Variants in MEMO1 observed in about 807,000 individuals in gnomAD.
MEMO1 encodes mediator of cell motility 1, also known as protein MEMO1.
Under a neutral mutation model 45.2 loss-of-function variants are expected in MEMO1, and 6 were observed. That is an observed-to-expected ratio of 0.13 (90% confidence interval 0.07 to 0.26). MEMO1 has a LOEUF of 0.26. MEMO1 is among the 10% of genes least tolerant of loss of function. The pLI, the probability that MEMO1 is intolerant of heterozygous loss-of-function variation, is 1.00. For synonymous variants in MEMO1, 78 were observed against 124.3 expected, an observed-to-expected ratio of 0.63 and a Z score of 2.48; for missense variants, 184 against 370.5, an observed-to-expected ratio of 0.50 and a Z score of 4.13.
intron 3 of MEMO1, among the ~76,000 whole-genome samples, chr2:31,933,359 ATATATATAT>A (rs1664520648): frequency 3.0e-5 from 2 of 67,336 alleles, no homozygotes; most frequent in South Asian, 1.2e-3. Context: ...ATTTATATAT[ATATATATAT>A]ATATATATAT....
At chr2:31,926,369 C>G (rs1437916502) in intron 4 of MEMO1, among the ~76,000 whole-genome samples, 3 of 53,446 alleles carry the variant, frequency 5.6e-5, no homozygotes, top group African/African-American at 2.2e-4. Context: ...GATCCTGTCT[C>G]AAAAGGGAAA....
At position 32,002,168 on chromosome 2, in the gene MEMO1, AAT is replaced by A. The variant is rs1553383011; in HGVS notation, c.61+8017_61+8018del. Among the ~76,000 whole-genome samples, 523 of 74,928 alleles carry A rather than the reference AAT, an allele frequency of 7.0e-3. 3 individuals carry two copies. The highest frequency in any genetic ancestry group is 0.02 in the Middle Eastern group (2 of 100). The allele number at this position is 74,928 out of a possible 152,430, so 49.2% of individuals were successfully genotyped here. ...TCAAAAAAAAAAAAAAAAAAAAAAA[AAT>A]ATATATATATATATATACACACACA... On this transcript the variant is annotated intron_variant, in intron 2 of 9. Coordinates refer to ENST00000404530, the MANE Select transcript of MEMO1 (RefSeq NM_001301833.4).
At chr2:31,949,071 C>T (rs532832426) in intron 2 of MEMO1, among the ~76,000 whole-genome samples, 2 of 152,142 alleles carry the variant, frequency 1.3e-5, no homozygotes, top group South Asian at 2.1e-4. Context: ...ATCATCTCAC[C>T]CCAGTTAAAA....
At chr2:31,905,597 T>C (rs1375657060) in intron 6 of MEMO1, among the ~76,000 whole-genome samples, 2 of 152,210 alleles carry the variant, frequency 1.3e-5, no homozygotes, top group African/African-American at 2.4e-5. Context: ...GTCAGAATCA[T>C]AGAGAAATTC....
intron 2 of MEMO1, among the ~76,000 whole-genome samples, chr2:31,963,787 T>G (rs966176279): frequency 1.3e-5 from 2 of 152,180 alleles, no homozygotes; most frequent in Non-Finnish European, 2.9e-5. Flanking sequence ...GACTGATCAG[T>G]TCTCTAAATC....
intron 2 of MEMO1, among the ~76,000 whole-genome samples, chr2:32,002,305 A>G (rs991710443): frequency 6.7e-6 from 1 of 148,552 alleles, no homozygotes; most frequent in Non-Finnish European, 1.5e-5. Flanking sequence ...ATACATATAC[A>G]TATATACATA....
chr2:31,898,777 C>T (rs1170932053), intron 6 of MEMO1, among the ~76,000 whole-genome samples: 1 of 152,140 alleles, frequency 6.6e-6, no homozygotes, highest in Non-Finnish European at 1.5e-5. Context: ...TGTTAATTTT[C>T]TGTCTCACTG....
At chr2:31,970,894 C>T (rs1430606455) in intron 2 of MEMO1, among the ~76,000 whole-genome samples, 3 of 152,120 alleles carry the variant, frequency 2.0e-5, no homozygotes, top group East Asian at 3.9e-4. Context: ...ATCCCAGCTA[C>T]GTAGGAGGCT....
intron 3 of MEMO1, 43 bp from the exon 4 acceptor site, chr2:31,932,178 A>T: frequency 6.5e-7 from 1 of 1,547,216 alleles, no homozygotes; most frequent in Non-Finnish European, 8.9e-7. Flanking sequence ...CAGATTCAAA[A>T]TCAAGATATT....
At chr2:31,893,362 T>C in intron 6 of MEMO1, 2 of 1,137,176 alleles carry the variant, frequency 1.8e-6, no homozygotes, top group South Asian at 3.8e-5. Context: ...CAGAGGAAGC[T>C]GCCACAGGAT....
chr2:31,919,697 C>T (rs2148167152), intron 5 of MEMO1, among the ~76,000 whole-genome samples: 1 of 151,936 alleles, frequency 6.6e-6, no homozygotes, highest in South Asian at 2.1e-4. Flanking sequence ...GTGATGTGTG[C>T]CTGTAGTCCT....
chr2:31,911,945 A>G (rs766042044), intron 6 of MEMO1, among the ~76,000 whole-genome samples: 1 of 152,066 alleles, frequency 6.6e-6, no homozygotes, highest in Non-Finnish European at 1.5e-5. Flanking sequence ...CACCCAGCCT[A>G]ATGCTGTTAA....
intron 6 of MEMO1, among the ~76,000 whole-genome samples, chr2:31,904,213 C>A (rs1199729024): frequency 1.3e-5 from 2 of 152,214 alleles, no homozygotes; most frequent in Non-Finnish European, 2.9e-5. Flanking sequence ...CCTTGGTTAG[C>A]ATCTGTGAAT....
chr2:31,982,203 A>T (rs1038322021), intron 2 of MEMO1, among the ~76,000 whole-genome samples: 2 of 151,430 alleles, frequency 1.3e-5, no homozygotes, highest in African/African-American at 4.9e-5. Context: ...AGGCTGAGTC[A>T]GGAGAATCGC....
chr2:31,994,085 C>G (rs1199256965), intron 2 of MEMO1, among the ~76,000 whole-genome samples: 1 of 149,658 alleles, frequency 6.7e-6, no homozygotes, highest in African/African-American at 2.5e-5. Context: ...CTCAGCCCCC[C>G]GAGCAGCTGG....
At chr2:31,936,972 T>C (rs1488755184) in intron 3 of MEMO1, among the ~76,000 whole-genome samples, 1 of 152,180 alleles carries the variant, frequency 6.6e-6, no homozygotes, top group African/African-American at 2.4e-5. Flanking sequence ...AGTCACAAGA[T>C]CTACTTAAGC....
At chr2:31,944,971 G>A (rs1158631360) in intron 2 of MEMO1, among the ~76,000 whole-genome samples, 1 of 152,114 alleles carries the variant, frequency 6.6e-6, no homozygotes, top group Non-Finnish European at 1.5e-5. Flanking sequence ...CCTTGGTTAA[G>A]AAATAAATGA....
At chr2:31,927,959 T>C (rs1683354582) in intron 4 of MEMO1, among the ~76,000 whole-genome samples, 1 of 152,216 alleles carries the variant, frequency 6.6e-6, no homozygotes, top group Non-Finnish European at 1.5e-5. Flanking sequence ...TTAATATCTA[T>C]CTCACCTACC....
intron 8 of MEMO1, among the ~76,000 whole-genome samples, chr2:31,881,334 T>C (rs879922451): frequency 6.0e-4 from 89 of 149,180 alleles, no homozygotes; most frequent in African/African-American, 2.1e-3. Flanking sequence ...TACAAAAAAC[T>C]ACAAAAAAAA....
Sources: gnomAD v4.1 joint callset for allele counts (sites outside exome capture counted in the v4.1 genomes callset) on GRCh38, gnomAD v4.1.1 for gene constraint, MANE v1.5 for transcripts, NCBI Gene and HGNC (gene_info 2026-07-23, HGNC 2026-07-21) for gene names.